The following SOX6 variants were observed in gnomAD, a reference collection of about 807,000 sequenced individuals.
The protein encoded by SOX6 is transcription factor SOX-6.
Under a neutral mutation model 97.8 loss-of-function variants are expected in SOX6, and 11 were observed. The observed-to-expected ratio is 0.11, with a 90% CI of 0.07 to 0.19. The LOEUF (loss-of-function observed/expected upper bound fraction) is 0.19. Ranked by LOEUF, SOX6 falls within the 10% of genes least tolerant of loss-of-function variation. The pLI is 1.00. For missense variants in SOX6, 810 were observed against 1,039.5 expected, an observed-to-expected ratio of 0.78 and a Z score of 3.04; for synonymous variants, 360 against 371.4, an observed-to-expected ratio of 0.97 and a Z score of 0.35.
intron 4 of SOX6, among the ~76,000 whole-genome samples, chr11:16,209,253 G>C (rs1852153522): frequency 6.6e-6 from 1 of 151,794 alleles, no homozygotes; most frequent in Non-Finnish European, 1.5e-5. Flanking sequence ...AATATAAGTG[G>C]ACAAAAGCTA....
chr11:16,424,638 A>C (rs891001753), intron 1 of SOX6, among the ~76,000 whole-genome samples: 2 of 152,220 alleles, frequency 1.3e-5, no homozygotes, highest in Admixed American at 6.5e-5. Flanking sequence ...TGGCAAAAGA[A>C]CATGAAGCAA....
intron 4 of SOX6, among the ~76,000 whole-genome samples, chr11:16,573,665 A>G (rs2133200547): frequency 6.6e-6 from 1 of 152,348 alleles, no homozygotes; most frequent in South Asian, 2.1e-4. Context: ...GCAGATAGTT[A>G]ATAAAACAAC....
intron 4 of SOX6, among the ~76,000 whole-genome samples, chr11:16,520,592 G>C (rs1260683125): frequency 1.3e-5 from 2 of 152,242 alleles, no homozygotes; most frequent in African/African-American, 4.8e-5. Context: ...TGAGGTACCA[G>C]GTTCATCTCA....
intron 6 of SOX6, among the ~76,000 whole-genome samples, chr11:16,126,293 T>A (rs1366144481): frequency 6.6e-6 from 1 of 152,018 alleles, no homozygotes. Flanking sequence ...ACATGACAGT[T>A]CCCCCAAATG....
intron 1 of SOX6, among the ~76,000 whole-genome samples, chr11:16,450,770 T>C (rs1467001095): frequency 1.3e-5 from 2 of 152,194 alleles, no homozygotes; most frequent in Non-Finnish European, 2.9e-5. Flanking sequence ...ATCTAATAAA[T>C]GCCCATTTCA....
intron 4 of SOX6, among the ~76,000 whole-genome samples, chr11:16,611,824 CT>C (rs1848401581): frequency 6.6e-6 from 1 of 152,074 alleles, no homozygotes; most frequent in Admixed American, 6.5e-5. Context: ...CGTGTCATTT[CT>C]GTTAGGAAGA....
intron 3 of SOX6, among the ~76,000 whole-genome samples, chr11:16,293,530 T>C (rs1854976721): frequency 6.6e-6 from 1 of 152,038 alleles, no homozygotes. Flanking sequence ...AGAGCTAACT[T>C]GAGCTCAACA....
chr11:16,048,628 A>G (rs1390793745), intron 11 of SOX6, among the ~76,000 whole-genome samples: 1 of 152,168 alleles, frequency 6.6e-6, no homozygotes, highest in Non-Finnish European at 1.5e-5. Flanking sequence ...ATTATTGTGA[A>G]ACATCAAATC....
chr11:16,703,386 G>T (rs572597522), intron 3 of SOX6, among the ~76,000 whole-genome samples: 5 of 151,926 alleles, frequency 3.3e-5, no homozygotes, highest in African/African-American at 1.2e-4. Flanking sequence ...TTAAATTTTC[G>T]TTTAACTAAA....
chr11:16,443,492 C>T (rs11023945), intron 1 of SOX6, among the ~76,000 whole-genome samples: 45,700 of 151,984 alleles, frequency 0.3, 7,024 homozygotes, highest in East Asian at 0.52. Flanking sequence ...AGGTCCTTGA[C>T]AAAATCTCCA....
intron 4 of SOX6, among the ~76,000 whole-genome samples, chr11:16,560,045 T>G (rs764126471): frequency 5.9e-5 from 9 of 152,200 alleles, no homozygotes; most frequent in South Asian, 4.1e-4. Flanking sequence ...ATGCCTAATG[T>G]CAGACTGCCC....
intron 3 of SOX6, among the ~76,000 whole-genome samples, chr11:16,303,995 C>A (rs1855342476): frequency 6.6e-6 from 1 of 152,092 alleles, no homozygotes; most frequent in Non-Finnish European, 1.5e-5. Flanking sequence ...CGGCTCACTG[C>A]AACATCCACC....
chr11:16,577,913 A>G (rs1847997773), intron 4 of SOX6, among the ~76,000 whole-genome samples: 1 of 152,160 alleles, frequency 6.6e-6, no homozygotes, highest in South Asian at 2.1e-4. Flanking sequence ...TTTGAGACAC[A>G]AAGTTTTACA....
chr11:16,374,099 A>G lies in SOX6; in HGVS notation c.-4-32847T>C, dbSNP rs369776354. Among the ~76,000 whole-genome samples, 15 of 152,230 alleles carry G rather than the reference A, an allele frequency of 9.9e-5. No homozygotes were observed. The East Asian group carries it at 2.7e-3, about 27-fold the overall frequency. ...ATCTCAAAATATTATGCTATATCAT[A>G]CTGACTTAAGTCATAAAGCCAAATC... On this transcript the variant is annotated intron_variant, in intron 1 of 15. Transcript: ENST00000396356.
chr11:16,431,551 GAAACAA>G lies in SOX6; in HGVS notation c.-5+44758_-5+44763del, dbSNP rs1859272985. 2.0e-5 allele frequency among the ~76,000 whole-genome samples: 3 copies of G among 151,940 alleles called. No homozygotes were observed. The South Asian group carries it at 6.2e-4, about 32-fold the overall frequency. On this transcript the variant is annotated intron_variant, in intron 1 of 15. Transcript: ENST00000396356. ...AACTATAATTAAGACGATACATGGT[GAAACAA>G]AAACAAAAACAAATTAAAATATTCC... is the stretch of plus-strand genomic sequence containing the variant.
intron 1 of SOX6, among the ~76,000 whole-genome samples, chr11:16,441,655 A>G (rs1859504996): frequency 6.6e-6 from 1 of 152,220 alleles, no homozygotes; most frequent in African/African-American, 2.4e-5. Flanking sequence ...CGAAAATTGT[A>G]AACAGTGATG....
At chr11:16,497,315 G>GT (rs1860617740) in intron 4 of SOX6, among the ~76,000 whole-genome samples, 1 of 152,142 alleles carries the variant, frequency 6.6e-6, no homozygotes, top group African/African-American at 2.4e-5. Context: ...AACCCCATCT[G>GT]TATGTCACCA....
chr11:16,410,759 CAAA>C (rs71044100), intron 1 of SOX6, among the ~76,000 whole-genome samples: 2 of 64,382 alleles, frequency 3.1e-5, no homozygotes. Context: ...AACCGGTCTC[CAAA>C]AAAAAAAAAA....
At chr11:16,036,619 G>T (rs1312237307) in intron 12 of SOX6, among the ~76,000 whole-genome samples, 1 of 152,116 alleles carries the variant, frequency 6.6e-6, no homozygotes, top group African/African-American at 2.4e-5. Flanking sequence ...ATTAGATCCC[G>T]AATTCCCAAG....
Sources: gnomAD v4.1 joint callset for allele counts (sites outside exome capture counted in the v4.1 genomes callset) on GRCh38, gnomAD v4.1.1 for gene constraint, MANE v1.5 for transcripts, NCBI Gene and HGNC (gene_info 2026-07-23, HGNC 2026-07-21) for gene names.